Variants in CNTNAP2 observed in about 807,000 individuals in gnomAD.
CNTNAP2 encodes contactin associated protein 2, also known as contactin-associated protein-like 2.
Under a neutral mutation model 155.2 loss-of-function variants are expected in CNTNAP2, and 98 were observed. The observed-to-expected ratio is 0.63, with a 90% CI of 0.54 to 0.75. CNTNAP2 has a LOEUF of 0.75. Among genes scored for constraint, CNTNAP2 ranks in the 30% least tolerant of loss-of-function variants. The pLI is 0.00. For missense variants in CNTNAP2, 1,727 were observed against 1,688.1 expected, an observed-to-expected ratio of 1.02 and a Z score of -0.40; for synonymous variants, 651 against 631.2, an observed-to-expected ratio of 1.03 and a Z score of -0.47.
At chr7:147,441,821 C>G (rs934667334) in intron 10 of CNTNAP2, among the ~76,000 whole-genome samples, 2 of 85,414 alleles carry the variant, frequency 2.3e-5, no homozygotes, top group African/African-American at 7.4e-5. Flanking sequence ...CTTTCTCTCT[C>G]TCTCTCTCTC....
intron 21 of CNTNAP2, among the ~76,000 whole-genome samples, chr7:148,315,651 A>C (rs1022201934): frequency 6.6e-6 from 1 of 152,240 alleles, no homozygotes; most frequent in Non-Finnish European, 1.5e-5. Flanking sequence ...TAGACAGAAT[A>C]GTAGCAGGAA....
chr7:146,175,424 T>G (rs1001733026), intron 1 of CNTNAP2, among the ~76,000 whole-genome samples: 5 of 152,130 alleles, frequency 3.3e-5, no homozygotes, highest in Non-Finnish European at 7.4e-5. Context: ...AACAAGGCCA[T>G]ATTGTAAGAG....
At chr7:147,251,615 A>C (rs1453275792) in intron 8 of CNTNAP2, among the ~76,000 whole-genome samples, 1 of 152,096 alleles carries the variant, frequency 6.6e-6, no homozygotes, top group Non-Finnish European at 1.5e-5. Context: ...GCATTGGTGA[A>C]AGTCTGACAT....
At chr7:146,239,272 G>A (rs1799522435) in intron 1 of CNTNAP2, among the ~76,000 whole-genome samples, 1 of 152,074 alleles carries the variant, frequency 6.6e-6, no homozygotes, top group Non-Finnish European at 1.5e-5. Flanking sequence ...ATGGATAATA[G>A]TGCTCCTTGG....
chr7:146,856,659 A>C (rs1168388750), intron 3 of CNTNAP2, among the ~76,000 whole-genome samples: 1 of 152,176 alleles, frequency 6.6e-6, no homozygotes, highest in Non-Finnish European at 1.5e-5. Context: ...AATCAAAATA[A>C]AAATTACAGA....
chr7:148,371,249 A>C (rs2116640295), intron 21 of CNTNAP2, among the ~76,000 whole-genome samples: 1 of 152,340 alleles, frequency 6.6e-6, no homozygotes, highest in South Asian at 2.1e-4. Flanking sequence ...TTGTCCCAAC[A>C]AAGGAGGGGG....
At chr7:146,489,874 T>C (rs1223279117) in intron 1 of CNTNAP2, among the ~76,000 whole-genome samples, 3 of 151,676 alleles carry the variant, frequency 2.0e-5, no homozygotes, top group Non-Finnish European at 4.4e-5. Flanking sequence ...AATAGGGGAG[T>C]GTGCTGACTG....
chr7:147,365,383 G>GAAAAAACAAAAAA (rs1796211388), intron 9 of CNTNAP2, among the ~76,000 whole-genome samples: 1 of 93,638 alleles, frequency 1.1e-5, no homozygotes, highest in Non-Finnish European at 2.0e-5. Flanking sequence ...ATCTCAAAAA[G>GAAAAAACAAAAAA]AAAAAAAAAA....
At chr7:147,034,860 G>C (rs781611025) in intron 3 of CNTNAP2, among the ~76,000 whole-genome samples, 1 of 152,138 alleles carries the variant, frequency 6.6e-6, no homozygotes, top group African/African-American at 2.4e-5. Flanking sequence ...AGGGTCTCAG[G>C]GTTTTTGTAG....
chr7:146,311,975 C>G (rs897090419), intron 1 of CNTNAP2, among the ~76,000 whole-genome samples: 3 of 152,086 alleles, frequency 2.0e-5, no homozygotes, highest in African/African-American at 7.2e-5. Flanking sequence ...GTAAATTGAT[C>G]AAAGTCTGGT....
chr7:146,588,686 G>A (rs1002369262), intron 1 of CNTNAP2, among the ~76,000 whole-genome samples: 1 of 151,966 alleles, frequency 6.6e-6, no homozygotes, highest in African/African-American at 2.4e-5. Context: ...TTTTAAAAAT[G>A]TTGGTAGAGG....
intron 15 of CNTNAP2, among the ~76,000 whole-genome samples, chr7:148,078,827 A>T (rs1185801843): frequency 6.6e-6 from 1 of 152,246 alleles, no homozygotes; most frequent in Admixed American, 6.5e-5. Context: ...CGAGAAGAAA[A>T]AATTACATAT....
chr7:146,994,976 T>G (rs1201339787), intron 3 of CNTNAP2, among the ~76,000 whole-genome samples: 1 of 152,064 alleles, frequency 6.6e-6, no homozygotes, highest in Non-Finnish European at 1.5e-5. Context: ...TTTGAGAACA[T>G]CTCCACATTC....
chr7:148,096,844 C>T (rs1457288011), intron 15 of CNTNAP2, among the ~76,000 whole-genome samples: 2 of 152,168 alleles, frequency 1.3e-5, no homozygotes, highest in African/African-American at 4.8e-5. Context: ...TGGGAAAGAT[C>T]AAGATCTTAA....
At chr7:146,904,169 C>T (rs908654629) in intron 3 of CNTNAP2, among the ~76,000 whole-genome samples, 2 of 152,136 alleles carry the variant, frequency 1.3e-5, no homozygotes, top group Non-Finnish European at 1.5e-5. Context: ...CACCCTGCCT[C>T]TAACTTACTC....
intron 3 of CNTNAP2, among the ~76,000 whole-genome samples, chr7:146,987,378 T>G (rs1403553669): frequency 1.3e-5 from 2 of 152,102 alleles, no homozygotes; most frequent in African/African-American, 4.8e-5. Flanking sequence ...TCCTGCATAA[T>G]GCACCTGTAT....
chr7:146,454,462 A>C (rs1274383543), intron 1 of CNTNAP2, among the ~76,000 whole-genome samples: 3 of 152,058 alleles, frequency 2.0e-5, no homozygotes, highest in Non-Finnish European at 4.4e-5. Flanking sequence ...TCACCTTTTA[A>C]AATTTTTACT....
chr7:146,134,724 C>T lies in CNTNAP2; in HGVS notation c.97+17751C>T, dbSNP rs1468429568. 2.7e-3 allele frequency among the ~76,000 whole-genome samples: 410 copies of T among 151,420 alleles called. 3 individuals carry two copies. The highest frequency in any genetic ancestry group is 4.0e-3 in the Non-Finnish European group (269 of 67,678). On this transcript the variant is annotated intron_variant, in intron 1 of 23. Coordinates refer to ENST00000361727, the MANE Select transcript of CNTNAP2 (RefSeq NM_014141.6). ...ATGCTGGATTACATTTATTGATTTG[C>T]GTATATTGAACCAGCCTTGCATCCC...
At chr7:146,682,553 A>T (rs2533119) in intron 1 of CNTNAP2, among the ~76,000 whole-genome samples, 7,503 of 152,232 alleles carry the variant, frequency 0.049, 672 homozygotes, top group African/African-American at 0.17. Flanking sequence ...TTGCACACGT[A>T]TCACTGGGAG....
Sources: gnomAD v4.1 joint callset for allele counts (sites outside exome capture counted in the v4.1 genomes callset) on GRCh38, gnomAD v4.1.1 for gene constraint, MANE v1.5 for transcripts, NCBI Gene and HGNC (gene_info 2026-07-23, HGNC 2026-07-21) for gene names.